NALCN: variants seen among roughly 807,000 people sequenced by gnomAD.
The protein encoded by NALCN is sodium leak channel NALCN.
NALCN carries 111 observed loss-of-function variants against 225.3 expected under a neutral mutation model. The ratio of observed to expected loss-of-function variants is 0.49; its 90% confidence interval spans 0.42 to 0.58. The LOEUF is 0.58. Ranked by LOEUF, NALCN falls within the 20% of genes least tolerant of loss-of-function variation. The pLI, the probability that NALCN is intolerant of heterozygous loss-of-function variation, is 0.00. For synonymous variants in NALCN, 764 were observed against 769.0 expected (o/e 0.99, Z 0.11); for missense variants, 1,378 against 2,202.4 (o/e 0.63, Z 7.49).
At chr13:101,222,452 C>T (rs2040978057) in intron 13 of NALCN, among the ~76,000 whole-genome samples, 1 of 152,114 alleles carries the variant, frequency 6.6e-6, no homozygotes, top group Non-Finnish European at 1.5e-5. Context: ...ATGCTCTGAT[C>T]TAATTGAAAG....
chr13:101,101,616 C>T (rs543921095), intron 26 of NALCN, among the ~76,000 whole-genome samples: 5 of 152,198 alleles, frequency 3.3e-5, no homozygotes, highest in South Asian at 4.2e-4. Flanking sequence ...CACAAATGAG[C>T]GGGACAGTGG....
chr13:101,265,067 T>G (rs2042553632), intron 10 of NALCN, among the ~76,000 whole-genome samples: 1 of 152,194 alleles, frequency 6.6e-6, no homozygotes, highest in South Asian at 2.1e-4. Flanking sequence ...CATTTTGGAC[T>G]TCTAACTGCA....
At chr13:101,203,499 G>A (rs573752440) in intron 13 of NALCN, among the ~76,000 whole-genome samples, 2 of 152,208 alleles carry the variant, frequency 1.3e-5, no homozygotes, top group Non-Finnish European at 2.9e-5. Context: ...TTACAGGTGT[G>A]AGCCACTGTG....
intron 15 of NALCN, among the ~76,000 whole-genome samples, chr13:101,158,547 T>G (rs2038015100): frequency 6.6e-6 from 1 of 152,242 alleles, no homozygotes; most frequent in Non-Finnish European, 1.5e-5. Context: ...TACTGCTAGC[T>G]GTACTCTGGC....
chr13:101,111,652 A>C (rs1207092270), intron 18 of NALCN, among the ~76,000 whole-genome samples: 1 of 152,122 alleles, frequency 6.6e-6, no homozygotes, highest in Non-Finnish European at 1.5e-5. Flanking sequence ...TCATGGGGGC[A>C]GGTCTTTCTT....
intron 15 of NALCN, among the ~76,000 whole-genome samples, chr13:101,158,299 G>A (rs1017461550): frequency 6.6e-5 from 10 of 152,222 alleles, no homozygotes; most frequent in African/African-American, 2.4e-4. Context: ...CTAAGAGAAA[G>A]AGAATCTTGT....
At chr13:101,073,796 C>T (rs930641401) in intron 36 of NALCN, 119 bp from the exon 37 acceptor site, 10 of 737,532 alleles carry the variant, frequency 1.4e-5, no homozygotes, top group Non-Finnish European at 2.2e-5. Context: ...GCTAAGTCAC[C>T]TTTTCCAAAG....
At chr13:101,303,013 G>A (rs528731663) in intron 7 of NALCN, among the ~76,000 whole-genome samples, 91 of 152,112 alleles carry the variant, frequency 6.0e-4, no homozygotes, top group Middle Eastern at 3.4e-3. Context: ...TACTTTTCCA[G>A]CATTTCCAAT....
chr13:101,114,209 C>A (rs6491598), intron 18 of NALCN, among the ~76,000 whole-genome samples: 19,706 of 152,176 alleles, frequency 0.13, 1,494 homozygotes, highest in South Asian at 0.19. Flanking sequence ...AGGTGATGTG[C>A]TTTCTCTAAG....
rs183433769 is a variant in NALCN at position 101,141,333 on chromosome 13, G to T, written c.2118+1747C>A. The stretch of plus-strand genomic sequence containing the variant: ...AGAAAATCTTACAAGTTTTCCTGAA[G>T]AAACAAGCAAACCAAGTCTACCAAC... On this transcript the variant is annotated intron_variant, in intron 17 of 43. Transcript: ENST00000251127. Among the ~76,000 whole-genome samples, 376 of 151,940 alleles carry T rather than the reference G, an allele frequency of 2.5e-3. 1 individual carries two copies. The highest frequency in any genetic ancestry group is 5.2e-4 in the Non-Finnish European group (35 of 67,958).
chr13:101,145,913 G>C (rs1388260103), intron 15 of NALCN, among the ~76,000 whole-genome samples: 1 of 152,102 alleles, frequency 6.6e-6, no homozygotes, highest in Non-Finnish European at 1.5e-5. Flanking sequence ...CCTCCTTGTT[G>C]GGTATGGTTT....
At chr13:101,080,226 C>T (rs1436536214) in intron 34 of NALCN, among the ~76,000 whole-genome samples, 1 of 152,028 alleles carries the variant, frequency 6.6e-6, no homozygotes, top group Non-Finnish European at 1.5e-5. Context: ...GACTAGGACC[C>T]ATATCTTCCA....
intron 7 of NALCN, among the ~76,000 whole-genome samples, chr13:101,320,597 T>G (rs1292474163): frequency 1.3e-5 from 2 of 152,146 alleles, no homozygotes; most frequent in Non-Finnish European, 2.9e-5. Context: ...ACTCTATTTT[T>G]ATATCCCATT....
At chr13:101,331,719 G>A (rs748753197) in intron 7 of NALCN, among the ~76,000 whole-genome samples, 25 of 152,098 alleles carry the variant, frequency 1.6e-4, no homozygotes, top group Non-Finnish European at 3.7e-4. Context: ...GGGGATGCCT[G>A]AGCTGGAGAT....
chr13:101,416,155 CGCAGCCCCTCTA>C (rs1188400725), intron 1 of NALCN, among the ~76,000 whole-genome samples, 146 bp downstream of exon 1: 1 of 151,774 alleles, frequency 6.6e-6, no homozygotes, highest in Non-Finnish European at 1.5e-5. Flanking sequence ...GGCCCCCGCC[CGCAGCCCCTCTA>C]GCAGCCCCTC....
chr13:101,130,825 A>G (rs2036481608), intron 17 of NALCN, among the ~76,000 whole-genome samples: 6 of 152,176 alleles, frequency 3.9e-5, no homozygotes, highest in Admixed American at 3.9e-4. Flanking sequence ...ATTGTTTTTA[A>G]TCATTTACTC....
In NALCN at chr13:101,166,814, T is replaced by A. The variant is rs558398774; in HGVS notation, c.1839+9486A>T. Among the ~76,000 whole-genome samples, 84 of 152,362 alleles carry A rather than the reference T, an allele frequency of 5.5e-4. 2 individuals carry two copies. The South Asian group carries it at 0.011, about 20-fold the overall frequency. On this transcript the variant is annotated intron_variant, in intron 15 of 43. Coordinates refer to ENST00000251127, the MANE Select transcript of NALCN (RefSeq NM_052867.4). ...TGACAATTCCAATGTCATGAAGCTT[T>A]TGCCTTGTTTTCTTCTAGGAGCTTT... is the stretch of plus-strand genomic sequence containing the variant.
chr13:101,383,756 C>G (rs1572592), intron 3 of NALCN, among the ~76,000 whole-genome samples: 10 of 152,004 alleles, frequency 6.6e-5, no homozygotes, highest in Admixed American at 2.0e-4. Context: ...AGATCACAGA[C>G]GAGATTATGA....
chr13:101,238,140 T>C lies in NALCN; in HGVS notation c.1267-218A>G, dbSNP rs9518354. Among the ~76,000 whole-genome samples, 96,682 of 151,644 alleles carry C rather than the reference T, an allele frequency of 0.64. 31,292 individuals carry two copies. Among genetic ancestry groups the C allele is most frequent in the East Asian group, 0.95 (4,919 of 5,182 alleles). On this transcript the variant is annotated intron_variant, in intron 11 of 43. Transcript: ENST00000251127. ...CTTAAACAATTATAAAAACATGTTA[T>C]GATTTTGAATGTTTGTGAGTGGCAT... is the stretch of plus-strand genomic sequence containing the variant.
Sources: gnomAD v4.1 joint callset for allele counts (sites outside exome capture counted in the v4.1 genomes callset) on GRCh38, gnomAD v4.1.1 for gene constraint, MANE v1.5 for transcripts, NCBI Gene and HGNC (gene_info 2026-07-23, HGNC 2026-07-21) for gene names.